The following CALN1 variants were observed in gnomAD, a reference collection of about 807,000 sequenced individuals.
CALN1 encodes the protein calcium-binding protein 8.
CALN1 carries 17 observed loss-of-function variants against 30.6 expected under a neutral mutation model. The ratio of observed to expected loss-of-function variants is 0.56; its 90% confidence interval spans 0.38 to 0.83. CALN1 has a LOEUF of 0.83. Ranked by LOEUF, CALN1 falls within the 40% of genes least tolerant of loss-of-function variation. The probability of loss-of-function intolerance (pLI) is 0.00; values close to 1 mark genes in which losing one functional copy is unlikely to be tolerated. For missense variants in CALN1, 291 were observed against 354.9 expected (o/e 0.82, Z 1.45); for synonymous variants, 156 against 131.4 (o/e 1.19, Z -1.28).
intron 3 of CALN1, among the ~76,000 whole-genome samples, chr7:72,128,277 T>C (rs1488616712): frequency 6.6e-6 from 1 of 152,130 alleles, no homozygotes; most frequent in Non-Finnish European, 1.5e-5. Context: ...AGATTAGAAA[T>C]TGGTCTGTAT....
intron 3 of CALN1, among the ~76,000 whole-genome samples, chr7:72,238,475 T>C (rs1378935518): frequency 1.3e-5 from 2 of 152,188 alleles, no homozygotes; most frequent in East Asian, 3.8e-4. Context: ...AACACTTTAT[T>C]CCCTAGAAAT....
At chr7:72,006,711 T>C (rs374182084) in intron 5 of CALN1, among the ~76,000 whole-genome samples, 1 of 152,224 alleles carries the variant, frequency 6.6e-6, no homozygotes, top group Admixed American at 6.5e-5. Context: ...AGGCTATTTA[T>C]AGGTATAAAT....
chr7:71,944,521 G>A (rs1796302511), intron 5 of CALN1, among the ~76,000 whole-genome samples: 1 of 142,014 alleles, frequency 7.0e-6, no homozygotes. Flanking sequence ...TTGAACCTGG[G>A]AGGCAGAGGT....
chr7:72,487,156 A>G, the CALN1 span, among the ~76,000 whole-genome samples: 2 of 151,668 alleles, frequency 1.3e-5, no homozygotes, highest in African/African-American at 2.4e-5. Context: ...GGCTCAAGTG[A>G]TCTCCTGCCT....
At chr7:71,917,170 G>C (rs1448011499) in intron 5 of CALN1, among the ~76,000 whole-genome samples, 2 of 152,144 alleles carry the variant, frequency 1.3e-5, no homozygotes, top group Non-Finnish European at 2.9e-5. Flanking sequence ...GATTTCACTG[G>C]AATTGTCTCA....
At chr7:72,405,809 A>G (rs182240685) in intron 1 of CALN1, among the ~76,000 whole-genome samples, 47 of 152,326 alleles carry the variant, frequency 3.1e-4, no homozygotes, top group Middle Eastern at 3.4e-3. Context: ...TGGTAAATGC[A>G]TATTTCAAAA....
chr7:72,261,035 C>T (rs935444499), intron 3 of CALN1, among the ~76,000 whole-genome samples: 19 of 152,126 alleles, frequency 1.2e-4, no homozygotes, highest in African/African-American at 2.9e-4. Context: ...AGGCTGGGCA[C>T]GGTGGCTCTC....
upstream of CALN1, among the ~76,000 whole-genome samples, chr7:72,416,265 A>G (rs1320100721): frequency 6.6e-6 from 1 of 152,204 alleles, no homozygotes. Flanking sequence ...TAATTTGCAT[A>G]TAATTAGAAG....
At chr7:71,795,354 C>G (rs1786834544) in intron 6 of CALN1, among the ~76,000 whole-genome samples, 3 of 152,102 alleles carry the variant, frequency 2.0e-5, no homozygotes, top group Non-Finnish European at 4.4e-5. Flanking sequence ...GGGCCCAGCC[C>G]AAACTTTTCT....
chr7:72,352,781 A>G (rs1362684217), intron 2 of CALN1, among the ~76,000 whole-genome samples: 1 of 152,110 alleles, frequency 6.6e-6, no homozygotes, highest in Non-Finnish European at 1.5e-5. Context: ...AGAAGAAAGG[A>G]AAAAGGATGG....
chr7:71,864,508 G>A (rs949370141), intron 5 of CALN1, among the ~76,000 whole-genome samples: 3 of 152,144 alleles, frequency 2.0e-5, no homozygotes, highest in Non-Finnish European at 4.4e-5. Context: ...AATTCTGACC[G>A]TGAATTAGAA....
At chr7:72,194,789 A>C (rs1790874114) in intron 3 of CALN1, among the ~76,000 whole-genome samples, 1 of 151,616 alleles carries the variant, frequency 6.6e-6, no homozygotes, top group African/African-American at 2.4e-5. Context: ...ATGGGGTTTC[A>C]CCATGTTGGC....
the CALN1 span, among the ~76,000 whole-genome samples, chr7:72,459,200 G>C: frequency 2.6e-5 from 4 of 151,988 alleles, no homozygotes; most frequent in Admixed American, 1.3e-4. Flanking sequence ...CACCGCGCCT[G>C]GTCGTATATT....
intron 3 of CALN1, among the ~76,000 whole-genome samples, chr7:72,179,864 A>G (rs1355161574): frequency 4.6e-5 from 7 of 152,204 alleles, no homozygotes; most frequent in Non-Finnish European, 1.0e-4. Flanking sequence ...ACTGACTCAT[A>G]TTAACAAAGG....
rs577575016 is a variant in CALN1, at chr7:71,932,273, T to C, written c.501+91384A>G. On this transcript the variant is annotated intron_variant, in intron 5 of 6. Coordinates refer to ENST00000395275, the MANE Select transcript of CALN1 (RefSeq NM_031468.4). ...TCACTGCAACCCCCAACTCTTGCGC[T>C]GAAGCGATCTTCCCACCTTAACCTC... is the stretch of plus-strand genomic sequence containing the variant. Among the ~76,000 whole-genome samples the C allele has an allele frequency of 9.2e-5, 14 of 152,286 alleles. No individual in the cohort carries two copies. The South Asian group carries it at 1.2e-3, about 14-fold the overall frequency.
intron 3 of CALN1, among the ~76,000 whole-genome samples, chr7:72,134,529 T>C (rs1380461472): frequency 1.3e-5 from 2 of 152,344 alleles, no homozygotes; most frequent in East Asian, 3.9e-4. Flanking sequence ...TAAATTTACA[T>C]TATACTTTTG....
At chr7:71,904,391 G>C (rs1794018772) in intron 5 of CALN1, among the ~76,000 whole-genome samples, 2 of 152,178 alleles carry the variant, frequency 1.3e-5, no homozygotes. Context: ...CTTGTTATTT[G>C]CAACAACATG....
chr7:72,361,990 T>C (rs780871707), intron 2 of CALN1, among the ~76,000 whole-genome samples: 1 of 152,210 alleles, frequency 6.6e-6, no homozygotes, highest in Non-Finnish European at 1.5e-5. Context: ...ATGCGAGTTC[T>C]AGATATACTC....
At chr7:72,263,059 T>C (rs1331631152) in intron 3 of CALN1, among the ~76,000 whole-genome samples, 1 of 152,200 alleles carries the variant, frequency 6.6e-6, no homozygotes, top group Non-Finnish European at 1.5e-5. Flanking sequence ...GTGTTTTGCT[T>C]CTCCTCTAAA....
Sources: gnomAD v4.1 joint callset for allele counts (sites outside exome capture counted in the v4.1 genomes callset) on GRCh38, gnomAD v4.1.1 for gene constraint, MANE v1.5 for transcripts, NCBI Gene and HGNC (gene_info 2026-07-23, HGNC 2026-07-21) for gene names.